RBPJ: variants seen among roughly 807,000 people sequenced by gnomAD.
RBPJ encodes recombining binding protein suppressor of hairless.
Under a neutral mutation model 67.8 loss-of-function variants are expected in RBPJ, and 9 were observed. That is an observed-to-expected ratio of 0.13 (90% CI 0.08 to 0.23). The LOEUF (loss-of-function observed/expected upper bound fraction) is 0.23. RBPJ is among the 10% of genes least tolerant of loss of function. The pLI is 1.00. For synonymous variants in RBPJ, 198 were observed against 203.3 expected, an observed-to-expected ratio of 0.97 and a Z score of 0.22; for missense variants, 305 against 595.6, an observed-to-expected ratio of 0.51 and a Z score of 5.08.
At chr4:26,192,400 T>C (rs1560204682) in intron 1 of RBPJ, among the ~76,000 whole-genome samples, 1 of 152,220 alleles carries the variant, frequency 6.6e-6, no homozygotes, top group Non-Finnish European at 1.5e-5. Flanking sequence ...CTCATCTAAG[T>C]ATTTGTCCTG....
the RBPJ span, among the ~76,000 whole-genome samples, chr4:26,116,921 T>C: frequency 6.6e-6 from 1 of 152,210 alleles, no homozygotes; most frequent in Non-Finnish European, 1.5e-5. Flanking sequence ...CTGCTCTTCA[T>C]TGAGATGCAC....
At chr4:26,189,782 A>T (rs6858665) in intron 1 of RBPJ, among the ~76,000 whole-genome samples, 21,144 of 152,256 alleles carry the variant, frequency 0.14, 1,705 homozygotes, top group African/African-American at 0.21. Flanking sequence ...AGGTTTTATC[A>T]TGGAAATCTT....
chr4:26,367,166 T>TA (rs1728723378), intron 1 of RBPJ, among the ~76,000 whole-genome samples: 1 of 150,442 alleles, frequency 6.6e-6, no homozygotes, highest in Admixed American at 6.6e-5. Context: ...AAAATACAAA[T>TA]AAAATGATGA....
At chr4:26,196,770 C>T (rs146802152) in intron 1 of RBPJ, among the ~76,000 whole-genome samples, 74 of 152,282 alleles carry the variant, frequency 4.9e-4, no homozygotes, top group African/African-American at 1.6e-3. Context: ...GCATTTGTTC[C>T]GGAGCTCCCC....
chr4:26,135,389 T>C, the RBPJ span, among the ~76,000 whole-genome samples: 2 of 152,042 alleles, frequency 1.3e-5, no homozygotes, highest in Non-Finnish European at 2.9e-5. Context: ...GAGGATGATT[T>C]ATGGCTACTT....
chr4:26,165,690 CA>C (rs1354434985), intron 1 of RBPJ, among the ~76,000 whole-genome samples: 6 of 147,296 alleles, frequency 4.1e-5, no homozygotes, highest in African/African-American at 1.5e-4. Context: ...CCAGAAAAAA[CA>C]TATATTTTTT....
In RBPJ at chr4:26,388,604, A is replaced by T. The variant is rs370456488; in HGVS notation, c.59+2213A>T. ...TAGAGACATAGAAGATTACACACAC[A>T]CTCTCTCTCTCTCTCTCTCTCTCAA... On this transcript the variant is annotated intron_variant, in intron 2 of 10. Coordinates refer to ENST00000355476, the MANE Select transcript of RBPJ (RefSeq NM_015874.6). Among the ~76,000 whole-genome samples the T allele has an allele frequency of 5.2e-3, 786 of 150,280 alleles. 5 individuals are homozygous for T. Among genetic ancestry groups the T allele is most frequent in the African/African-American group, 0.017 (684 of 41,026 alleles).
Position 26,189,727 on chromosome 4 carries a change from A to C in RBPJ, c.-167+26113A>C, listed in dbSNP as rs182504977. Reference sequence around the variant, plus strand: ...TAGATTTGATAAAATCTCATGGAATAGTAGACATTAAATCTGGAAGACATA... The same window carrying C: ...TAGATTTGATAAAATCTCATGGAATCGTAGACATTAAATCTGGAAGACATA... On this transcript the variant is annotated intron_variant, in intron 1 of 4. Coordinates refer to the RBPJ transcript ENST00000512351. 1.1e-3 allele frequency among the ~76,000 whole-genome samples: 167 copies of C among 152,362 alleles called. 1 individual carries two copies. Among genetic ancestry groups the C allele is most frequent in the Non-Finnish European group, 1.7e-3 (113 of 68,026 alleles).
At chr4:26,109,103 C>CTTTTT in the RBPJ span, among the ~76,000 whole-genome samples, 1 of 130,042 alleles carries the variant, frequency 7.7e-6, no homozygotes, top group African/African-American at 2.8e-5. Context: ...TTGCCTTCCT[C>CTTTTT]TTTTTTTTTT....
chr4:26,290,044 G>A (rs79409061), intron 1 of RBPJ, among the ~76,000 whole-genome samples: 1,510 of 150,494 alleles, frequency 0.01, 79 homozygotes, highest in African/African-American at 0.035. Context: ...AAATAAATAA[G>A]TTAGGCTGGG....
At chr4:26,296,047 G>A (rs983341487) in intron 1 of RBPJ, among the ~76,000 whole-genome samples, 1 of 152,230 alleles carries the variant, frequency 6.6e-6, no homozygotes, top group Non-Finnish European at 1.5e-5. Context: ...TGTGAATGGA[G>A]AGAAAGCACT....
intron 1 of RBPJ, among the ~76,000 whole-genome samples, chr4:26,215,501 CAT>C (rs1718693989): frequency 6.6e-6 from 1 of 151,954 alleles, no homozygotes. Context: ...AAAATCAACT[CAT>C]ATAAAGTTTG....
chr4:26,321,217 C>A (rs1161419419), intron 1 of RBPJ, 169 bp downstream of exon 1: 4 of 163,402 alleles, frequency 2.4e-5, no homozygotes, highest in East Asian at 2.0e-4. Flanking sequence ...CGTGCGCTGC[C>A]GCTCTGCGCT....
chr4:26,303,772 G>A (rs547443668), intron 1 of RBPJ, among the ~76,000 whole-genome samples: 4 of 152,142 alleles, frequency 2.6e-5, no homozygotes, highest in East Asian at 1.9e-4. Context: ...ACTGAGACCC[G>A]TGTCTCTATT....
upstream of RBPJ, among the ~76,000 whole-genome samples, chr4:26,317,768 G>A (rs150468946): frequency 6.6e-6 from 1 of 152,286 alleles, no homozygotes; most frequent in Non-Finnish European, 1.5e-5. Flanking sequence ...GGACTCCAAG[G>A]TTCTTGACAT....
At chr4:26,408,976 T>C (rs1256172946) in intron 3 of RBPJ, among the ~76,000 whole-genome samples, 1 of 152,252 alleles carries the variant, frequency 6.6e-6, no homozygotes, top group Non-Finnish European at 1.5e-5. Flanking sequence ...GCTAGCCCAA[T>C]TGAATTATGA....
chr4:26,170,747 T>G (rs1463808382), intron 1 of RBPJ, among the ~76,000 whole-genome samples: 2 of 152,228 alleles, frequency 1.3e-5, no homozygotes, highest in African/African-American at 4.8e-5. Flanking sequence ...ATATTGGCTC[T>G]CATTTTAGGT....
chr4:26,235,138 T>C (rs1719415426), intron 1 of RBPJ, among the ~76,000 whole-genome samples: 1 of 152,216 alleles, frequency 6.6e-6, no homozygotes, highest in Admixed American at 6.5e-5. Flanking sequence ...AAAAAAACCT[T>C]GCTTAATCAA....
chr4:26,349,477 CA>C (rs1241003866), intron 1 of RBPJ, among the ~76,000 whole-genome samples: 1 of 152,112 alleles, frequency 6.6e-6, no homozygotes, highest in Non-Finnish European at 1.5e-5. Flanking sequence ...TAGAGTCATT[CA>C]AAGGACTGGG....
Sources: allele counts gnomAD v4.1 joint callset (sites outside exome capture counted in the v4.1 genomes callset), GRCh38; gene constraint gnomAD v4.1.1; transcripts MANE v1.5; gene names NCBI Gene and HGNC (gene_info 2026-07-23, HGNC 2026-07-21).